MOB3B: variants seen among roughly 807,000 people sequenced by gnomAD.
MOB3B encodes the protein MOB kinase activator-like 2B.
Under a neutral mutation model 18.7 loss-of-function variants are expected in MOB3B, and 7 were observed. The ratio of observed to expected loss-of-function variants is 0.37; its 90% confidence interval spans 0.21 to 0.70. MOB3B has a LOEUF of 0.70. Ranked by LOEUF, MOB3B falls within the 30% of genes least tolerant of loss-of-function variation. MOB3B has a pLI of 0.52. For synonymous variants in MOB3B, 111 were observed against 99.9 expected, an observed-to-expected ratio of 1.11 and a Z score of -0.66; for missense variants, 253 against 281.3, an observed-to-expected ratio of 0.90 and a Z score of 0.72.
intron 3 of MOB3B, among the ~76,000 whole-genome samples, chr9:27,340,348 C>A (rs562779941): frequency 6.6e-6 from 1 of 152,320 alleles, no homozygotes; most frequent in East Asian, 1.9e-4. Context: ...CCAAACCCTG[C>A]AAACATTAAA....
intron 2 of MOB3B, among the ~76,000 whole-genome samples, chr9:27,451,542 C>A (rs1822783480): frequency 6.6e-6 from 1 of 152,202 alleles, no homozygotes. Context: ...TAGAGATCAA[C>A]AGCTGTTTAT....
chr9:27,426,032 A>G (rs1822324377), intron 2 of MOB3B, among the ~76,000 whole-genome samples: 1 of 152,206 alleles, frequency 6.6e-6, no homozygotes, highest in Non-Finnish European at 1.5e-5. Flanking sequence ...GGAGGAGTTG[A>G]ATATTTACAC....
chr9:27,373,922 A>C (rs1473889650), intron 2 of MOB3B, among the ~76,000 whole-genome samples: 1 of 152,256 alleles, frequency 6.6e-6, no homozygotes, highest in East Asian at 1.9e-4. Context: ...TTGATGAGTA[A>C]ACAGGCTATA....
At position 27,455,597 on chromosome 9, in the gene MOB3B, C is replaced by G. The variant is rs1225796049; in HGVS notation, c.-47G>C. The G allele has an allele frequency of 6.2e-7, 1 of 1,611,196 alleles. No homozygotes were observed. The highest frequency in any genetic ancestry group is 8.5e-7 in the Non-Finnish European group (1 of 1,179,430). The stretch of plus-strand genomic sequence containing the variant: ...TCTTTTGCAGGAAGCGAAAAGGCAC[C>G]TGGAACTTTTCAGGGAGAGATCACA... On this transcript the variant is annotated 5_prime_UTR_variant, in exon 2 of 4. Transcript: ENST00000262244.
At chr9:27,409,001 C>A (rs1429780350) in intron 2 of MOB3B, among the ~76,000 whole-genome samples, 1 of 152,204 alleles carries the variant, frequency 6.6e-6, no homozygotes, top group Admixed American at 6.5e-5. Flanking sequence ...CACTATGTGC[C>A]AACCAGTGTA....
chr9:27,481,505 T>TG (rs1819650525), intron 1 of MOB3B, among the ~76,000 whole-genome samples: 1 of 51,612 alleles, frequency 1.9e-5, no homozygotes, highest in Non-Finnish European at 4.2e-5. Context: ...TAGTTTTTTT[T>TG]TTTTTGTTTT....
At position 27,522,223 on chromosome 9, in the gene MOB3B, A is replaced by G. The variant is rs559558316; in HGVS notation, c.-199+7332T>C. ...CGCCACTGCACTCCAGCCTGGAGAC[A>G]GAGCAAGACCCCGTCTCACAAAAAA... On this transcript the variant is annotated intron_variant, in intron 1 of 3. Coordinates refer to ENST00000262244, the MANE Select transcript of MOB3B (RefSeq NM_024761.5). 3.1e-3 allele frequency among the ~76,000 whole-genome samples: 416 copies of G among 135,578 alleles called. 10 individuals carry two copies. Among genetic ancestry groups the G allele is most frequent in the Admixed American group, 0.029 (369 of 12,732 alleles). The allele number at this position is 135,578 out of a possible 152,430, so 88.9% of individuals were successfully genotyped here.
At chr9:27,521,614 G>A (rs967434426) in intron 1 of MOB3B, among the ~76,000 whole-genome samples, 13 of 152,158 alleles carry the variant, frequency 8.5e-5, no homozygotes, top group African/African-American at 3.1e-4. Flanking sequence ...AACAGTTCAA[G>A]AAGTTTTAGG....
At position 27,418,091 on chromosome 9, in the gene MOB3B, CAAA is replaced by C. The variant is rs57850999; in HGVS notation, c.418+37039_418+37041del. Among the ~76,000 whole-genome samples the C allele has an allele frequency of 7.9e-4, 35 of 44,088 alleles. 2 individuals are homozygous for C. Among genetic ancestry groups the C allele is most frequent in the East Asian group, 2.7e-3 (3 of 1,126 alleles). 28.9% of individuals were successfully genotyped at this position (44,088 alleles called of 152,430 possible). A position where few individuals can be genotyped will look rare whatever the true frequency, so the allele number is the denominator to read the frequency against. Reference sequence around the variant, plus strand: ...TGGGAGACAGGGTGAGACTCCACCTCAAAAAAAAAAAAAAAAAAAAAGTAATAC... The same window carrying C: ...TGGGAGACAGGGTGAGACTCCACCTCAAAAAAAAAAAAAAAAAAGTAATAC... On this transcript the variant is annotated intron_variant, in intron 2 of 3. Transcript: ENST00000262244.
chr9:27,524,925 T>A (rs762752675), intron 1 of MOB3B: 9 of 1,606,356 alleles, frequency 5.6e-6, no homozygotes, highest in Middle Eastern at 1.7e-4. Context: ...TTTGTATTAC[T>A]TTTACAAATT....
intron 3 of MOB3B, among the ~76,000 whole-genome samples, chr9:27,343,716 T>TC (rs1358359439): frequency 1.3e-5 from 2 of 151,376 alleles, no homozygotes; most frequent in Non-Finnish European, 2.9e-5. Flanking sequence ...TTTTTTTTTT[T>TC]TTTAGCAGTA....
At chr9:27,416,736 A>G (rs1217060885) in intron 2 of MOB3B, among the ~76,000 whole-genome samples, 1 of 151,542 alleles carries the variant, frequency 6.6e-6, no homozygotes, top group East Asian at 2.0e-4. Context: ...GGATCTTGCT[A>G]TGTTGCCCAG....
chr9:27,455,895 T>G lies in MOB3B; in HGVS notation c.-198-147A>C, dbSNP rs551043243. ...GCATGGGGGTTAAGCCACTGCCCTGTGACTCTGTACTGTTGATGCAAACCA... is the reference window on the plus strand; with the variant it reads ...GCATGGGGGTTAAGCCACTGCCCTGGGACTCTGTACTGTTGATGCAAACCA... On this transcript the variant is annotated intron_variant, in intron 1 of 3. Transcript: ENST00000262244. 4.6e-5 allele frequency: 32 copies of G among 699,094 alleles called. No individual in the cohort carries two copies. In the South Asian group the frequency reaches 7.0e-4, roughly 15 times the overall value. 43.3% of individuals were successfully genotyped at this position (699,094 alleles called of 1,614,324 possible).
rs565050874 is a variant in MOB3B at position 27,441,602 on chromosome 9, C to T, written c.418+13531G>A. 3.3e-5 allele frequency among the ~76,000 whole-genome samples: 5 copies of T among 152,302 alleles called. 1 individual carries two copies. Among genetic ancestry groups the T allele is most frequent in the African/African-American group, 1.2e-4 (5 of 41,566 alleles). ...CAGGTAGGACAGAGCAAGATTTCATCATGCTACTCAGAACAGTGTGCAATT... is the reference window on the plus strand; with the variant it reads ...CAGGTAGGACAGAGCAAGATTTCATTATGCTACTCAGAACAGTGTGCAATT... On this transcript the variant is annotated intron_variant, in intron 2 of 3. Transcript: ENST00000262244.
chr9:27,465,067 A>C (rs1350544009), intron 1 of MOB3B, among the ~76,000 whole-genome samples: 1 of 152,178 alleles, frequency 6.6e-6, no homozygotes, highest in Admixed American at 6.5e-5. Context: ...AGTCACCCAA[A>C]GTCTTAACTC....
chr9:27,519,001 A>C (rs1820283942), intron 1 of MOB3B, among the ~76,000 whole-genome samples: 2 of 152,256 alleles, frequency 1.3e-5, no homozygotes, highest in African/African-American at 4.8e-5. Flanking sequence ...TAGAGGTACG[A>C]AAGTGCTCAT....
chr9:27,327,135 G>A lies in MOB3B; in HGVS notation c.*3452C>T, dbSNP rs1479831757. ...CCCTCCCTCCTGTTATATGGAAAGG[G>A]ATGAATGCTTTGCTAGTGCTATATC... is the stretch of plus-strand genomic sequence containing the variant. On this transcript the variant is annotated 3_prime_UTR_variant, in exon 4 of 4. Transcript: ENST00000262244. 1 of 152,214 alleles carries A rather than the reference G, an allele frequency of 6.6e-6. No homozygotes were observed. The highest frequency in any genetic ancestry group is 6.5e-5 in the Admixed American group (1 of 15,276). 9.4% of individuals were successfully genotyped at this position (152,214 alleles called of 1,614,324 possible). A position where few individuals can be genotyped will look rare whatever the true frequency, so the allele number is the denominator to read the frequency against.
chr9:27,486,343 C>G (rs7020845), intron 1 of MOB3B, among the ~76,000 whole-genome samples: 143,442 of 152,276 alleles, frequency 0.94, 67,957 homozygotes, highest in East Asian at 1. Flanking sequence ...TTGATGAAAT[C>G]TATTAAGACT....
At chr9:27,492,479 G>A (rs546516350) in intron 1 of MOB3B, among the ~76,000 whole-genome samples, 7 of 152,184 alleles carry the variant, frequency 4.6e-5, no homozygotes, top group Non-Finnish European at 7.3e-5. Flanking sequence ...GTCTGCCAGC[G>A]AAATGCTGCC....
Sources: allele counts gnomAD v4.1 joint callset (sites outside exome capture counted in the v4.1 genomes callset), GRCh38; gene constraint gnomAD v4.1.1; transcripts MANE v1.5; gene names NCBI Gene and HGNC (gene_info 2026-07-23, HGNC 2026-07-21).